Variants in TDRD9 observed in about 807,000 individuals in gnomAD.
The protein encoded by TDRD9 is ATP-dependent RNA helicase TDRD9.
A neutral mutation model predicts 172.6 loss-of-function variants in TDRD9; 124 were observed. The observed-to-expected ratio is 0.72, with a 90% CI of 0.62 to 0.83. The LOEUF (loss-of-function observed/expected upper bound fraction) is 0.83. TDRD9 is among the 40% of genes least tolerant of loss of function. TDRD9 has a pLI of 0.00. For missense variants in TDRD9, 1,479 were observed against 1,714.1 expected, an observed-to-expected ratio of 0.86 and a Z score of 2.42; for synonymous variants, 619 against 617.1, an observed-to-expected ratio of 1.00 and a Z score of -0.05.
chr14:103,983,383 T>C (rs1375206376), intron 7 of TDRD9, among the ~76,000 whole-genome samples: 1 of 152,034 alleles, frequency 6.6e-6, no homozygotes, highest in Non-Finnish European at 1.5e-5. Context: ...CTTTTATAAA[T>C]TATTTGGAAA....
intron 12 of TDRD9, among the ~76,000 whole-genome samples, chr14:103,996,844 T>C (rs2034076600): frequency 6.6e-6 from 1 of 151,962 alleles, no homozygotes; most frequent in Non-Finnish European, 1.5e-5. Context: ...ACCATTGAGA[T>C]TGCAGGTGGA....
chr14:103,955,660 T>A lies in TDRD9; in HGVS notation c.216-4T>A. 11 of 1,549,300 alleles carry A rather than the reference T, an allele frequency of 7.1e-6. No homozygotes were observed. Among genetic ancestry groups the A allele is most frequent in the Non-Finnish European group, 9.6e-6 (11 of 1,145,646 alleles). ...AGTATACTAACTTTTACTATTCTTT[T>A]CAGGTCACTCAGCCAAAGGAGCTCA... On this transcript the variant is annotated splice_region_variant and splice_polypyrimidine_tract_variant and intron_variant, in intron 1 of 35. Transcript: ENST00000409874.
At chr14:103,931,750 A>G (rs1352268182) in intron 1 of TDRD9, among the ~76,000 whole-genome samples, 1 of 152,238 alleles carries the variant, frequency 6.6e-6, no homozygotes, top group Admixed American at 6.5e-5. Context: ...GTTACAGATC[A>G]TAGGACAGGA....
chr14:103,988,758 T>C (rs1462487967), intron 8 of TDRD9, among the ~76,000 whole-genome samples: 1 of 151,154 alleles, frequency 6.6e-6, no homozygotes, highest in East Asian at 1.9e-4. Context: ...AGTGGAGTGA[T>C]CATGGCTCAC....
chr14:103,942,347 C>G (rs1408105720), intron 1 of TDRD9: 5 of 152,224 alleles, frequency 3.3e-5, no homozygotes, highest in Admixed American at 1.3e-4. Flanking sequence ...ACAAAAATAA[C>G]TGACTATTTA....
chr14:103,954,530 C>T (rs1013086662), intron 1 of TDRD9, among the ~76,000 whole-genome samples: 4 of 152,180 alleles, frequency 2.6e-5, no homozygotes, highest in Non-Finnish European at 4.4e-5. Context: ...TGTCTTTGCA[C>T]GTGCTTCGTT....
chr14:103,958,344 T>G (rs1217626725), intron 2 of TDRD9, among the ~76,000 whole-genome samples: 2 of 151,806 alleles, frequency 1.3e-5, no homozygotes, highest in Non-Finnish European at 1.5e-5. Flanking sequence ...GGAGGAAGCC[T>G]GGTATTCCAG....
intron 2 of TDRD9, 40 bp downstream of exon 2, chr14:103,955,810 A>T: frequency 2.0e-6 from 3 of 1,466,762 alleles, no homozygotes; most frequent in Non-Finnish European, 2.8e-6. Context: ...AGGATGCATG[A>T]GTGGTTCACA....
At chr14:103,960,163 C>A (rs117865319) in intron 2 of TDRD9, among the ~76,000 whole-genome samples, 3,525 of 152,280 alleles carry the variant, frequency 0.023, 78 homozygotes, top group East Asian at 0.071. Flanking sequence ...TTTATGGTTA[C>A]ATCAGTAATC....
intron 1 of TDRD9, among the ~76,000 whole-genome samples, chr14:103,935,299 G>A (rs1415706669): frequency 1.3e-5 from 2 of 152,230 alleles, no homozygotes; most frequent in Non-Finnish European, 2.9e-5. Flanking sequence ...AGTGGAGGAT[G>A]TGGGGTGTGG....
chr14:103,930,269 C>T (rs564338144), intron 1 of TDRD9, among the ~76,000 whole-genome samples: 2 of 151,860 alleles, frequency 1.3e-5, no homozygotes, highest in African/African-American at 2.4e-5. Context: ...TCACCACAAA[C>T]CTCCGCCTCC....
rs191763984 is a variant in TDRD9 at position 103,962,682 on chromosome 14, A to G, written c.323-397A>G. Among the ~76,000 whole-genome samples the G allele has an allele frequency of 3.3e-5, 5 of 151,766 alleles. No individual in the cohort carries two copies. In the East Asian group the frequency reaches 9.7e-4, roughly 29 times the overall value. ...CCTAGTGTCTGTTATTCCCATCTTT[A>G]TGTTCGTGTGTACCCAAGGTTTAGC... On this transcript the variant is annotated intron_variant, in intron 2 of 35. Transcript: ENST00000409874.
rs1487600359 is a variant in TDRD9 at position 104,034,183 on chromosome 14, C to CTTTTTTTTTTTTTTTTTTTTTTTTTTT, written c.3619+123_3619+124insTTTTTTTTTTTTTTTTTTTTTTTTTTT. Reference sequence around the variant, plus strand: ...GAACAAGTCTACACTATGTACTATTCTTTTTTTTTCTTTTTTTTTTTTTTT... The same window carrying CTTTTTTTTTTTTTTTTTTTTTTTTTTT: ...GAACAAGTCTACACTATGTACTATTCTTTTTTTTTTTTTTTTTTTTTTTTTTTTTTTTTTTTCTTTTTTTTTTTTTTT... On this transcript the variant is annotated intron_variant, in intron 31 of 35. Transcript: ENST00000409874. The CTTTTTTTTTTTTTTTTTTTTTTTTTTT allele has an allele frequency of 9.5e-6, 2 of 211,640 alleles. 1 individual carries two copies. The highest frequency in any genetic ancestry group is 6.8e-5 in the African/African-American group (2 of 29,310). 13.1% of individuals were successfully genotyped at this position (211,640 alleles called of 1,614,324 possible).
intron 1 of TDRD9, among the ~76,000 whole-genome samples, chr14:103,954,159 A>G (rs1344956807): frequency 2.0e-5 from 3 of 152,216 alleles, no homozygotes; most frequent in African/African-American, 7.2e-5. Context: ...TATTCTGGAC[A>G]TGTTTATCTA....
At chr14:103,988,539 A>G (rs958452539) in intron 8 of TDRD9, among the ~76,000 whole-genome samples, 4 of 152,026 alleles carry the variant, frequency 2.6e-5, no homozygotes, top group African/African-American at 9.7e-5. Flanking sequence ...ATGTTGTTTA[A>G]TCCATTTACA....
chr14:103,969,430 A>G lies in TDRD9; in HGVS notation c.766-1111A>G, dbSNP rs118150615. Among the ~76,000 whole-genome samples, 128 of 152,280 alleles carry G rather than the reference A, an allele frequency of 8.4e-4. 3 individuals are homozygous for G. In the East Asian group the frequency reaches 0.023, roughly 28 times the overall value. ...ATAGCCTTGATTTTTCTTCTCAAGT[A>G]AAAGAGAGGATGTTTGTGCTGAGGA... is the stretch of plus-strand genomic sequence containing the variant. On this transcript the variant is annotated intron_variant, in intron 5 of 35. Coordinates refer to ENST00000409874, the MANE Select transcript of TDRD9 (RefSeq NM_153046.3).
chr14:104,034,380 T>C lies in TDRD9; in HGVS notation c.3619+311T>C, dbSNP rs189448944. 1.1e-4 allele frequency among the ~76,000 whole-genome samples: 17 copies of C among 152,072 alleles called. No homozygotes were observed. In the East Asian group the frequency reaches 2.1e-3, roughly 19 times the overall value. On this transcript the variant is annotated intron_variant, in intron 31 of 35. Transcript: ENST00000409874. ...TAATTTTTTGTATTTTTAGTAGAGA[T>C]GGGGTTTCACTGTGTTAGCCAGGAT...
At chr14:104,034,908 C>A in intron 31 of TDRD9, 52 bp from the exon 32 acceptor site, 1 of 1,432,456 alleles carries the variant, frequency 7.0e-7, no homozygotes, top group Non-Finnish European at 9.6e-7. Flanking sequence ...GGGAACGCTG[C>A]CCTGAGCAGC....
chr14:104,050,904 AC>A (rs2035919356), intron 35 of TDRD9, among the ~76,000 whole-genome samples: 2 of 152,272 alleles, frequency 1.3e-5, no homozygotes. Context: ...ATCCACATTT[AC>A]ATAGGCATGC....
Sources: allele counts gnomAD v4.1 joint callset (sites outside exome capture counted in the v4.1 genomes callset), GRCh38; gene constraint gnomAD v4.1.1; transcripts MANE v1.5; gene names NCBI Gene and HGNC (gene_info 2026-07-23, HGNC 2026-07-21).